WWOX: variants seen among roughly 807,000 people sequenced by gnomAD.
The protein encoded by WWOX is WW domain containing oxidoreductase, also known as WW domain-containing oxidoreductase.
A neutral mutation model predicts 46.2 loss-of-function variants in WWOX; 69 were observed. The ratio of observed to expected loss-of-function variants is 1.49; its 90% CI spans 1.23 to 1.82. The LOEUF is 1.82. Ranked by LOEUF, WWOX falls within the 40% of genes most tolerant of loss-of-function variation. The probability of loss-of-function intolerance (pLI) is 0.00; values close to 1 mark genes in which losing one functional copy is unlikely to be tolerated. For missense variants in WWOX, 919 were observed against 542.6 expected (o/e 1.69, Z -6.89); for synonymous variants, 359 against 202.6 (o/e 1.77, Z -6.56).
chr16:78,315,576 G>A (rs1240251421), intron 5 of WWOX, among the ~76,000 whole-genome samples: 1 of 152,108 alleles, frequency 6.6e-6, no homozygotes, highest in Non-Finnish European at 1.5e-5. Context: ...CTTGAACCCG[G>A]GAAGCAGAGG....
At chr16:78,996,443 T>C (rs541109346) in intron 8 of WWOX, 26 of 583,054 alleles carry the variant, frequency 4.5e-5, no homozygotes, top group Non-Finnish European at 5.5e-5. Context: ...TGGAGGCATA[T>C]TCAAAGTGCT....
chr16:78,862,687 A>G (rs2043916717), intron 8 of WWOX, among the ~76,000 whole-genome samples: 1 of 152,148 alleles, frequency 6.6e-6, no homozygotes, highest in South Asian at 2.1e-4. Context: ...GTCCAAGGGC[A>G]GGAGAAGCTG....
intron 8 of WWOX, among the ~76,000 whole-genome samples, chr16:78,735,852 T>TCTAGATACAATCTATGAAAATGACTTTC (rs370818387): frequency 0.15 from 22,988 of 152,130 alleles, 2,111 homozygotes; most frequent in African/African-American, 0.25. Flanking sequence ...CTTTCTGCTC[T>TCTAGATACAATCTATGAAAATGACTTTC]CTGCAACAGG....
At chr16:78,914,547 A>G (rs1408199354) in intron 8 of WWOX, among the ~76,000 whole-genome samples, 1 of 151,992 alleles carries the variant, frequency 6.6e-6, no homozygotes, top group Non-Finnish European at 1.5e-5. Context: ...GATTGAGTAC[A>G]GAGTGTGGGA....
At chr16:78,731,003 G>A (rs2048956931) in intron 8 of WWOX, among the ~76,000 whole-genome samples, 1 of 152,076 alleles carries the variant, frequency 6.6e-6, no homozygotes, top group African/African-American at 2.4e-5. Context: ...CAACTGCAGA[G>A]CCATTGATAT....
At chr16:78,781,355 G>C (rs370513987) in intron 8 of WWOX, among the ~76,000 whole-genome samples, 7 of 152,110 alleles carry the variant, frequency 4.6e-5, no homozygotes, top group Non-Finnish European at 7.4e-5. Context: ...TCAGAAATCT[G>C]CACCCCACCT....
intron 8 of WWOX, among the ~76,000 whole-genome samples, chr16:79,076,602 C>G (rs145256751): frequency 6.6e-6 from 1 of 152,160 alleles, no homozygotes; most frequent in South Asian, 2.1e-4. Context: ...CCTTCATGAC[C>G]CAGTCACAGT....
At chr16:78,625,085 G>T (rs2046281767) in intron 8 of WWOX, among the ~76,000 whole-genome samples, 1 of 152,186 alleles carries the variant, frequency 6.6e-6, no homozygotes, top group South Asian at 2.1e-4. Flanking sequence ...GCCACACATG[G>T]CAGGTCCCAA....
chr16:78,420,327 G>A (rs1433895707), intron 6 of WWOX, among the ~76,000 whole-genome samples: 1 of 152,132 alleles, frequency 6.6e-6, no homozygotes, highest in Non-Finnish European at 1.5e-5. Context: ...AATGTACATA[G>A]TAGTGATATT....
chr16:78,652,408 C>CA (rs747993811), intron 8 of WWOX, among the ~76,000 whole-genome samples: 6,298 of 106,844 alleles, frequency 0.059, 289 homozygotes, highest in Non-Finnish European at 0.076. Flanking sequence ...GACTCCGTCT[C>CA]AAAAAAAAAA....
intron 8 of WWOX, among the ~76,000 whole-genome samples, chr16:78,780,912 G>T (rs1442005824): frequency 6.6e-6 from 1 of 152,198 alleles, no homozygotes; most frequent in Non-Finnish European, 1.5e-5. Flanking sequence ...GCCTTGGGGA[G>T]CATGGGTTCA....
At chr16:79,042,413 G>A (rs984135365) in intron 8 of WWOX, among the ~76,000 whole-genome samples, 1 of 152,186 alleles carries the variant, frequency 6.6e-6, no homozygotes, top group African/African-American at 2.4e-5. Context: ...TTTGCCAAGA[G>A]ACAGAGTCTG....
chr16:78,307,500 C>T (rs754202417), intron 5 of WWOX, among the ~76,000 whole-genome samples: 15 of 152,104 alleles, frequency 9.9e-5, no homozygotes, highest in Non-Finnish European at 1.8e-4. Context: ...AGGTGTGAGG[C>T]AACAATCTGG....
intron 5 of WWOX, among the ~76,000 whole-genome samples, chr16:78,382,133 G>C (rs1041516973): frequency 1.3e-5 from 2 of 152,104 alleles, no homozygotes; most frequent in Non-Finnish European, 2.9e-5. Flanking sequence ...AGCCCAGAGA[G>C]GTAGACAGGG....
intron 8 of WWOX, among the ~76,000 whole-genome samples, chr16:78,493,491 A>C (rs191515860): frequency 1.3e-5 from 2 of 152,220 alleles, no homozygotes; most frequent in Non-Finnish European, 2.9e-5. Flanking sequence ...CTTTAACAGC[A>C]CAGAAGAGCA....
At chr16:78,784,584 C>G (rs752520148) in intron 8 of WWOX, among the ~76,000 whole-genome samples, 1 of 152,004 alleles carries the variant, frequency 6.6e-6, no homozygotes, top group Non-Finnish European at 1.5e-5. Context: ...TAGGAATTGT[C>G]GCAAAGAGCT....
chr16:78,099,769 ACAGT>A lies in WWOX; in HGVS notation c.-6_-3del. The A allele has an allele frequency of 6.5e-7, 1 of 1,538,124 alleles. No individual in the cohort carries two copies. Among genetic ancestry groups the A allele is most frequent in the Non-Finnish European group, 8.7e-7 (1 of 1,142,936 alleles). On this transcript the variant is annotated 5_prime_UTR_variant, in exon 1 of 9. Transcript: ENST00000566780. ...GGCGATAGGGGGGCCAGGTGCCTCC[ACAGT>A]CAGCCATGGCAGCGCTGCGCTACGC...
Position 78,587,729 on chromosome 16 carries a change from T to C in WWOX, c.1056+154977T>C, listed in dbSNP as rs572607210. ...TGACTGTGGCCTTCACCTTGCTTTT[T>C]GTGGAGCTGGATATAGACATTTGTT... On this transcript the variant is annotated intron_variant, in intron 8 of 8. Coordinates refer to ENST00000566780, the MANE Select transcript of WWOX (RefSeq NM_016373.4). 5.3e-5 allele frequency among the ~76,000 whole-genome samples: 8 copies of C among 152,238 alleles called. No individual in the cohort carries two copies. In the South Asian group the frequency reaches 1.7e-3, roughly 32 times the overall value.
chr16:78,534,745 C>T (rs1029328899), intron 8 of WWOX, among the ~76,000 whole-genome samples: 1 of 151,824 alleles, frequency 6.6e-6, no homozygotes, highest in African/African-American at 2.4e-5. Flanking sequence ...GACAGAGTCT[C>T]TGTCTCCAGG....
Sources: allele counts gnomAD v4.1 joint callset (sites outside exome capture counted in the v4.1 genomes callset), GRCh38; gene constraint gnomAD v4.1.1; transcripts MANE v1.5; gene names NCBI Gene and HGNC (gene_info 2026-07-23, HGNC 2026-07-21).